The following ZC4H2 variants were observed in gnomAD, a reference collection of about 807,000 sequenced individuals.
ZC4H2 encodes zinc finger C4H2-type containing, also known as zinc finger C4H2 domain-containing protein.
For synonymous variants in ZC4H2, 84 were observed against 66.3 expected (o/e 1.27, Z -1.30); for missense variants, 137 against 173.9 (o/e 0.79, Z 1.19).
intron 1 of ZC4H2, among the ~76,000 whole-genome samples, chrX:64,946,384 G>T (rs1343770597): frequency 9.0e-6 from 1 of 110,914 alleles, no homozygotes; most frequent in Non-Finnish European, 1.9e-5. Context: ...CCTGGGTAAG[G>T]TGACACCCCA....
chrX:64,976,532 G>T, upstream of ZC4H2: 1 of 536,735 alleles, frequency 1.9e-6, no homozygotes, highest in Non-Finnish European at 3.1e-6. Flanking sequence ...CGGAGCTTCA[G>T]GGCCAGCCAG....
intron 1 of ZC4H2, among the ~76,000 whole-genome samples, chrX:64,953,630 TCA>T (rs1930982504): frequency 8.9e-6 from 1 of 111,733 alleles, no homozygotes; most frequent in Admixed American, 9.5e-5. Flanking sequence ...AGATAGCATC[TCA>T]CACCAGAATG....
At chrX:64,975,156 A>C (rs746240603) in intron 1 of ZC4H2, among the ~76,000 whole-genome samples, 3 of 109,912 alleles carry the variant, frequency 2.7e-5, no homozygotes. Flanking sequence ...CCAGCTGTAA[A>C]GGAGGAGTAG....
At chrX:64,965,474 A>G (rs1000482927) in intron 1 of ZC4H2, 5 of 321,749 alleles carry the variant, frequency 1.6e-5, no homozygotes, top group Non-Finnish European at 3.0e-5. Flanking sequence ...CAAAAAAATT[A>G]AGTGAAAATG....
intron 1 of ZC4H2, among the ~76,000 whole-genome samples, chrX:64,942,115 T>C (rs1930313617): frequency 9.0e-6 from 1 of 111,438 alleles, no homozygotes; most frequent in Non-Finnish European, 1.9e-5. Context: ...TCTAGTTTAG[T>C]CTTGGGAGTG....
intron 1 of ZC4H2, among the ~76,000 whole-genome samples, chrX:64,953,424 T>C (rs1930970687): frequency 8.9e-6 from 1 of 112,261 alleles, no homozygotes; most frequent in Non-Finnish European, 1.9e-5. Context: ...TGTACTCATC[T>C]GACAAAGGGC....
intron 1 of ZC4H2, among the ~76,000 whole-genome samples, chrX:64,971,168 C>G (rs1196591869): frequency 1.8e-5 from 2 of 112,085 alleles, no homozygotes; most frequent in Non-Finnish European, 3.8e-5. Flanking sequence ...TGGGACGCAG[C>G]CTGTATTTTT....
intron 1 of ZC4H2, among the ~76,000 whole-genome samples, chrX:64,923,385 G>A (rs1929291204): frequency 9.0e-6 from 1 of 110,687 alleles, no homozygotes; most frequent in South Asian, 3.8e-4. Context: ...TGCTTCTCAG[G>A]ATCTGCCTAG....
chrX:64,984,960 A>G (rs1932152101), intron 1 of ZC4H2, among the ~76,000 whole-genome samples: 1 of 112,215 alleles, frequency 8.9e-6, no homozygotes, highest in Non-Finnish European at 1.9e-5. Context: ...CCTCACTGTC[A>G]CAATGTTCAC....
chrX:65,031,254 A>T (rs1342944168), intron 1 of ZC4H2, among the ~76,000 whole-genome samples: 1 of 112,372 alleles, frequency 8.9e-6, no homozygotes, highest in East Asian at 2.8e-4. Context: ...ATAAATACAG[A>T]TAAAATATGC....
At chrX:65,021,768 T>G (rs760881806) in intron 1 of ZC4H2, among the ~76,000 whole-genome samples, 1 of 110,344 alleles carries the variant, frequency 9.1e-6, no homozygotes, top group Non-Finnish European at 1.9e-5. Context: ...ACAAAATAGA[T>G]AGACCACAAG....
chrX:64,928,768 TTTCTTCTTCTC>T (rs1487456441), intron 1 of ZC4H2, among the ~76,000 whole-genome samples: 1 of 101,769 alleles, frequency 9.8e-6, no homozygotes, highest in African/African-American at 3.6e-5. Context: ...TTCTTCTTCT[TTTCTTCTTCTC>T]TTCTTCTTCT....
At chrX:65,002,463 C>A (rs1368445773) in intron 1 of ZC4H2, among the ~76,000 whole-genome samples, 3 of 110,115 alleles carry the variant, frequency 2.7e-5, no homozygotes, top group African/African-American at 9.9e-5. Flanking sequence ...CGCCCAGCTG[C>A]CGCCCCATCC....
chrX:64,958,395 G>A lies in ZC4H2; in HGVS notation c.53+17930C>T, dbSNP rs866352055. On this transcript the variant is annotated intron_variant, in intron 1 of 4. Coordinates refer to ENST00000374839, the MANE Select transcript of ZC4H2 (RefSeq NM_018684.4). ...CATGCCTGTATATGTGTGTGTGTGT[G>A]TATTTGTGTGTGTGTATATATGTAC... Among the ~76,000 whole-genome samples the A allele has an allele frequency of 2.8e-5, 3 of 107,001 alleles. No homozygotes were observed. The East Asian group carries it at 8.4e-4, about 30-fold the overall frequency. 92.9% of individuals were successfully genotyped at this position (107,001 alleles called of 115,157 possible). A position where few individuals can be genotyped will look rare whatever the true frequency, so the allele number is the denominator to read the frequency against.
At chrX:64,930,679 G>A (rs1173977132) in intron 1 of ZC4H2, among the ~76,000 whole-genome samples, 1 of 112,051 alleles carries the variant, frequency 8.9e-6, no homozygotes, top group Non-Finnish European at 1.9e-5. Flanking sequence ...ATTGACTTGT[G>A]TATGTTAAAC....
At chrX:64,918,450 C>T in intron 4 of ZC4H2, 1 of 115,243 alleles carries the variant, frequency 8.7e-6, no homozygotes, top group South Asian at 3.4e-4. Context: ...TTGATGACCC[C>T]TGCTCTAGAA....
chrX:64,976,148 GTCTC>G (rs756557563), intron 1 of ZC4H2, among the ~76,000 whole-genome samples, 173 bp downstream of exon 1: 2 of 109,872 alleles, frequency 1.8e-5, no homozygotes, highest in African/African-American at 3.3e-5. Context: ...CTGGCAAGAG[GTCTC>G]TCTCTCTCTC....
chrX:64,982,327 TC>T (rs765280066), intron 1 of ZC4H2, among the ~76,000 whole-genome samples: 5 of 112,048 alleles, frequency 4.5e-5, no homozygotes, highest in Non-Finnish European at 9.4e-5. Context: ...TGCACATCTT[TC>T]CCAGGCTGGG....
intron 1 of ZC4H2, among the ~76,000 whole-genome samples, chrX:65,021,599 C>T (rs1932836976): frequency 9.0e-6 from 1 of 111,064 alleles, no homozygotes; most frequent in Admixed American, 9.5e-5. Context: ...GACACCCTAG[C>T]ATCGCAATGA....
Sources: gnomAD v4.1 joint callset for allele counts (sites outside exome capture counted in the v4.1 genomes callset) on GRCh38, gnomAD v4.1.1 for gene constraint, MANE v1.5 for transcripts, NCBI Gene and HGNC (gene_info 2026-07-23, HGNC 2026-07-21) for gene names.